Variants in MCM6 observed in about 807,000 individuals in gnomAD.
MCM6 encodes DNA replication licensing factor MCM6.
In MCM6, 46 loss-of-function variants were observed where a neutral mutation model predicts 94.3. That is an observed-to-expected ratio of 0.49 (90% CI 0.39 to 0.62). MCM6 has a LOEUF of 0.62. Ranked by LOEUF, MCM6 falls within the 20% of genes least tolerant of loss-of-function variation. MCM6 has a pLI of 0.00. For missense variants in MCM6, 865 were observed against 1,017.9 expected (o/e 0.85, Z 2.04); for synonymous variants, 335 against 351.9 (o/e 0.95, Z 0.54).
chr2:135,844,856 A>T (rs904409939), intron 15 of MCM6, among the ~76,000 whole-genome samples, 172 bp from the exon 16 acceptor site: 1 of 152,254 alleles, frequency 6.6e-6, no homozygotes, highest in African/African-American at 2.4e-5. Context: ...GCCTGAAATA[A>T]CAAGTCATAT....
In MCM6 at chr2:135,842,540, T is replaced by C. The variant is rs1679594437; in HGVS notation, c.2350-1589A>G. Among the ~76,000 whole-genome samples, 10 of 152,314 alleles carry C rather than the reference T, an allele frequency of 6.6e-5. No individual in the cohort carries two copies. The South Asian group carries it at 2.1e-3, about 32-fold the overall frequency. On this transcript the variant is annotated intron_variant, in intron 16 of 16. Transcript: ENST00000264156. ...AGTCTCTACCCTCACAGAGCTTATATTCCATAAGAGAGACAAACTAACCAC... is the reference window on the plus strand; with the variant it reads ...AGTCTCTACCCTCACAGAGCTTATACTCCATAAGAGAGACAAACTAACCAC...
In MCM6 at chr2:135,876,416, C is replaced by T; in HGVS notation, c.-51G>A. 4 of 1,491,640 alleles carry T rather than the reference C, an allele frequency of 2.7e-6. No individual in the cohort carries two copies. The highest frequency in any genetic ancestry group is 3.6e-6 in the Non-Finnish European group (4 of 1,108,624). The allele number at this position is 1,491,640 out of a possible 1,614,324, so 92.4% of individuals were successfully genotyped here. On this transcript the variant is annotated 5_prime_UTR_variant, in exon 1 of 17. Transcript: ENST00000264156. ...TGCGCCACGCTCGACCGCCACAAGT[C>T]GCTTTTTTCCAGACGCTGCAGCTTT...
chr2:135,872,645 CT>C, intron 2 of MCM6, 51 bp downstream of exon 2: 1 of 1,578,520 alleles, frequency 6.3e-7, no homozygotes, highest in South Asian at 1.1e-5. Context: ...GAAGAGCTGG[CT>C]TCCCGGATTT....
Position 135,846,264 on chromosome 2 carries a change from C to A in MCM6, c.2182G>T (p.Val728Leu). 1.2e-6 allele frequency: 2 copies of A among 1,614,082 alleles called. No homozygotes were observed. The highest frequency in any genetic ancestry group is 1.7e-6 in the Non-Finnish European group (2 of 1,179,992). The change falls in exon 15 of 17, where the codon GTG becomes TTG. Residue 728 changes from valine to leucine, a missense_variant. Physicochemically the swap from Val to Leu is conservative, Grantham distance 32. Coordinates refer to ENST00000264156, the MANE Select transcript of MCM6 (RefSeq NM_005915.6). ...SEYCRISNLI[V>L]LHLRKVEEEE... ...TCTTCCACCTTTCTGAGGTGAAGCA[C>A]AATAAGGTTAGAGATTCGGCAGTAC...
chr2:135,876,104 C>T (rs569549630), intron 1 of MCM6, among the ~76,000 whole-genome samples, 155 bp downstream of exon 1: 8 of 152,252 alleles, frequency 5.3e-5, no homozygotes, highest in African/African-American at 1.7e-4. Context: ...TCGCGGCCGC[C>T]GGGCTCGGAG....
rs568229200 is a variant in MCM6, at chr2:135,866,150, A to C, written c.909T>G (p.Val303=). ...SYRLVFLACC[V]APTNPRFGGK... is the part of the protein sequence containing the mutation. ...GACTGACCCTTGGGTTGGTTGGCGCAACACAGCAGGCAAGAAAGACCAGCC... is the reference window on the plus strand; with the variant it reads ...GACTGACCCTTGGGTTGGTTGGCGCCACACAGCAGGCAAGAAAGACCAGCC... The change falls in exon 6 of 17, where the codon GTT becomes GTG. Residue 303 remains valine, a synonymous_variant. Coordinates refer to ENST00000264156, the MANE Select transcript of MCM6 (RefSeq NM_005915.6). 6.2e-7 allele frequency: 1 copy of C among 1,614,156 alleles called. No individual in the cohort carries two copies. The highest frequency in any genetic ancestry group is 1.1e-5 in the South Asian group (1 of 91,074).
rs188294979 is a variant in MCM6 at position 135,846,389 on chromosome 2, T to C, written c.2057A>G (p.His686Arg). 6.2e-7 allele frequency: 1 copy of C among 1,614,038 alleles called. No individual in the cohort carries two copies. Among genetic ancestry groups the C allele is most frequent in the Non-Finnish European group, 8.5e-7 (1 of 1,179,908 alleles). The change falls in exon 15 of 17, where the codon CAT becomes CGT. Residue 686 changes from histidine to arginine, a missense_variant. Transcript: ENST00000264156. ...GTTCACAGGAGCAGGGCTGTCAGCA[T>C]GACCTAAGTGAAAAATTGACCACCT... is the stretch of plus-strand genomic sequence containing the variant. ...VDEGAGGING[H>R]ADSPAPVNGI...
chr2:135,843,032 C>T (rs566395003), intron 16 of MCM6, among the ~76,000 whole-genome samples: 7 of 152,306 alleles, frequency 4.6e-5, no homozygotes, highest in African/African-American at 1.7e-4. Flanking sequence ...GCTTCTGCAA[C>T]AGTCCATGCC....
chr2:135,843,951 A>C (rs935590193), intron 16 of MCM6, among the ~76,000 whole-genome samples: 2 of 151,964 alleles, frequency 1.3e-5, no homozygotes, highest in African/African-American at 4.8e-5. Context: ...TGAGAGAGTG[A>C]GGCAAAGAAC....
chr2:135,842,120 A>G (rs527523630), intron 16 of MCM6, among the ~76,000 whole-genome samples: 2 of 151,578 alleles, frequency 1.3e-5, no homozygotes, highest in Admixed American at 1.3e-4. Context: ...AAATAAATAA[A>G]TAAATAAATA....
Position 135,872,808 on chromosome 2 carries a change from T to C in MCM6, c.143A>G (p.Gln48Arg). 1.9e-6 allele frequency: 3 copies of C among 1,614,184 alleles called. No homozygotes were observed. The highest frequency in any genetic ancestry group is 2.5e-6 in the Non-Finnish European group (3 of 1,180,040). Residue 48 changes from glutamine (Q) to arginine (R), a missense_variant, in exon 2 of 17, where the codon CAA becomes CGA. Physicochemically the swap from Gln to Arg is conservative, Grantham distance 43 (BLOSUM62 1). Coordinates refer to ENST00000264156, the MANE Select transcript of MCM6 (RefSeq NM_005915.6). ...AGGACGAATCAGTTCCTCTGCTAAT[T>C]GCAAGTATTTAATTTCTCCATCGCT... ...QSSDGEIKYL[Q>R]LAEELIRPER...
chr2:135,864,735 T>G (rs963302688), intron 7 of MCM6, among the ~76,000 whole-genome samples: 1 of 152,170 alleles, frequency 6.6e-6, no homozygotes. Flanking sequence ...TTCCAGAACT[T>G]TGTCATCATC....
At chr2:135,845,122 T>C (rs570026285) in intron 15 of MCM6, among the ~76,000 whole-genome samples, 1 of 152,336 alleles carries the variant, frequency 6.6e-6, no homozygotes, top group East Asian at 1.9e-4. Flanking sequence ...TTTATGGAAC[T>C]GGAGTTTACT....
intron 1 of MCM6, among the ~76,000 whole-genome samples, chr2:135,874,747 C>T (rs1174875711): frequency 6.6e-6 from 1 of 151,562 alleles, no homozygotes; most frequent in Non-Finnish European, 1.5e-5. Context: ...TGTAAACATT[C>T]CAAATCTGAA....
chr2:135,847,992 G>C, intron 14 of MCM6, 61 bp downstream of exon 14: 1 of 1,365,896 alleles, frequency 7.3e-7, no homozygotes, highest in Non-Finnish European at 1.0e-6. Flanking sequence ...TCTACCACAT[G>C]ACATCTCAGA....
At chr2:135,865,206 G>C in intron 6 of MCM6, 43 bp from the exon 7 acceptor site, 2 of 1,323,506 alleles carry the variant, frequency 1.5e-6, no homozygotes, top group Non-Finnish European at 9.8e-7. Flanking sequence ...TATAGAAGCA[G>C]TCAAAAGAGC....
rs1558758521 is a variant in MCM6 at position 135,856,891 on chromosome 2, C to G, written c.1471-8G>C. 6.2e-7 allele frequency: 1 copy of G among 1,604,622 alleles called. No individual in the cohort carries two copies. Among genetic ancestry groups the G allele is most frequent in the Non-Finnish European group, 8.5e-7 (1 of 1,176,612 alleles). On this transcript the variant is annotated splice_region_variant and splice_polypyrimidine_tract_variant and intron_variant, in intron 10 of 16. Transcript: ENST00000264156. ...CCGGGCGTTCAGAGTAGCCTGACCA[C>G]AAAAGAAAGAATCTTAACAGATTTA...
At chr2:135,862,223 AAT>A (rs1321052907) in intron 8 of MCM6, among the ~76,000 whole-genome samples, 5 of 151,910 alleles carry the variant, frequency 3.3e-5, no homozygotes, top group Admixed American at 2.0e-4. Context: ...AAGTATGTAT[AAT>A]ATGATTTACA....
intron 3 of MCM6, among the ~76,000 whole-genome samples, chr2:135,869,516 T>C (rs1407859241): frequency 2.0e-5 from 3 of 151,954 alleles, no homozygotes; most frequent in South Asian, 4.1e-4. Flanking sequence ...AATCCTATCA[T>C]GAGAAAAAAT....
Sources: gnomAD v4.1 joint callset for allele counts (sites outside exome capture counted in the v4.1 genomes callset) on GRCh38, gnomAD v4.1.1 for gene constraint, MANE v1.5 for transcripts, NCBI Gene and HGNC (gene_info 2026-07-23, HGNC 2026-07-21) for gene names.